Variants in TRMT10A observed in about 807,000 individuals in gnomAD.
TRMT10A encodes the protein tRNA methyltransferase 10 homolog A.
Under a neutral mutation model 40.4 loss-of-function variants are expected in TRMT10A, and 37 were observed. That is an observed-to-expected ratio of 0.92 (90% CI 0.71 to 1.21). The LOEUF (loss-of-function observed/expected upper bound fraction) is 1.21, where lower values mean the gene tolerates loss of function less well. TRMT10A is among the 50% of genes most tolerant of loss of function. The pLI is 0.00. For missense variants in TRMT10A, 388 were observed against 404.3 expected (o/e 0.96, Z 0.35); for synonymous variants, 103 against 134.1 (o/e 0.77, Z 1.60).
chr4:99,562,171 CAAA>C (rs1217975062), intron 1 of TRMT10A, among the ~76,000 whole-genome samples: 1 of 94,310 alleles, frequency 1.1e-5, no homozygotes. Flanking sequence ...ACTCCGTCTC[CAAA>C]AAAAAAAAAA....
chr4:99,560,028 A>G (rs1240441835), intron 1 of TRMT10A, among the ~76,000 whole-genome samples: 1 of 152,090 alleles, frequency 6.6e-6, no homozygotes, highest in Non-Finnish European at 1.5e-5. Context: ...GTTTTTAATA[A>G]AACAAAAAAT....
chr4:99,562,356 GA>G (rs1025534558), intron 1 of TRMT10A, among the ~76,000 whole-genome samples: 7 of 144,486 alleles, frequency 4.8e-5, no homozygotes, highest in African/African-American at 5.1e-5. Context: ...AGCACCAAAA[GA>G]AAAAAAAAAG....
chr4:99,558,105 GAAC>G lies in TRMT10A; in HGVS notation c.289_291del (p.Val97del), dbSNP rs1438344221. On this transcript the variant is annotated inframe_deletion, in exon 3 of 8. Coordinates refer to ENST00000394876, the MANE Select transcript of TRMT10A (RefSeq NM_001134665.3). ...TCAATAATAAGGCGAAGGGTGCTAT[GAAC>G]AACATCTCTTCGAACACGTTTTCTG... The G allele has an allele frequency of 1.2e-6, 2 of 1,612,520 alleles. No homozygotes were observed. Among genetic ancestry groups the G allele is most frequent in the Non-Finnish European group, 8.5e-7 (1 of 1,179,402 alleles).
rs769156013 is a variant in TRMT10A at position 99,563,933 on chromosome 4, G to A, written c.-44C>T. The A allele has an allele frequency of 9.6e-6, 8 of 834,716 alleles. No individual in the cohort carries two copies. In the South Asian group the frequency reaches 1.2e-4, roughly 12 times the overall value. The allele number at this position is 834,716 out of a possible 1,614,324, so 51.7% of individuals were successfully genotyped here. ...CTTACCGAGCTGAAGAGTTGACAGG[G>A]AAGTGAAATCTCAGAAAGAAAGCCT... On this transcript the variant is annotated 5_prime_UTR_variant, in exon 1 of 8. Transcript: ENST00000394876.
chr4:99,557,442 CAA>C, intron 3 of TRMT10A, 26 bp from the exon 4 acceptor site: 1 of 1,605,640 alleles, frequency 6.2e-7, no homozygotes, highest in Non-Finnish European at 8.5e-7. Flanking sequence ...ATTTTTAAAG[CAA>C]AGTTATTAAA....
chr4:99,553,953 A>G lies in TRMT10A; in HGVS notation c.496-19T>C, dbSNP rs1724059853. On this transcript the variant is annotated intron_variant, in intron 5 of 7. Transcript: ENST00000394876. ...GGATATCCTTTAAGACAACAGGGAAAGAGGTTACTAATTAATAAGACCTTA... is the reference window on the plus strand; with the variant it reads ...GGATATCCTTTAAGACAACAGGGAAGGAGGTTACTAATTAATAAGACCTTA... The G allele has an allele frequency of 6.2e-7, 1 of 1,606,390 alleles. No homozygotes were observed. Among genetic ancestry groups the G allele is most frequent in the Non-Finnish European group, 8.5e-7 (1 of 1,178,030 alleles).
rs773623077 is a variant in TRMT10A at position 99,559,308 on chromosome 4, C to T, written c.31G>A (p.Glu11Lys). 4 of 1,611,382 alleles carry T rather than the reference C, an allele frequency of 2.5e-6. No individual in the cohort carries two copies. The East Asian group carries it at 8.9e-5, about 36-fold the overall frequency. MSSEMLPAFIETSNVDKKQGI... is the reference protein window; with the variant it reads MSSEMLPAFIKTSNVDKKQGI... ...TGCTTTTTGTCAACATTAGAAGTTT[C>T]AATAAATGCTGGCAACATTTCAGAT... Residue 11 changes from glutamate to lysine, a missense_variant, in exon 2 of 8, where the codon GAA (glutamate) becomes AAA (lysine). Transcript: ENST00000394876.
rs761267784 is a variant in TRMT10A, at chr4:99,558,117, T to C, written c.280A>G (p.Arg94Gly). The C allele has an allele frequency of 6.2e-7, 1 of 1,612,782 alleles. No homozygotes were observed. The highest frequency in any genetic ancestry group is 8.5e-7 in the Non-Finnish European group (1 of 1,179,332). Residue 94 changes from arginine (R) to glycine (G), a missense_variant, in exon 3 of 8, where the codon AGA becomes GGA. Physicochemically the swap from Arg to Gly is moderately radical, Grantham distance 125. Transcript: ENST00000394876. ...CGAAGGGTGCTATGAACAACATCTC[T>C]TCGAACACGTTTTCTGTCATGTCCA... ...SDGHDRKRVR[R>G]DVVHSTLRLI...
chr4:99,556,405 T>C (rs1199118985), intron 4 of TRMT10A, among the ~76,000 whole-genome samples, 185 bp from the exon 5 acceptor site: 3 of 152,222 alleles, frequency 2.0e-5, no homozygotes, highest in African/African-American at 7.2e-5. Flanking sequence ...ATAGTACGTT[T>C]TGTGTGCATG....
chr4:99,553,960 A>G, intron 5 of TRMT10A, 26 bp from the exon 6 acceptor site: 1 of 1,602,672 alleles, frequency 6.2e-7, no homozygotes, highest in Non-Finnish European at 8.5e-7. Context: ...GAAAGAGGTT[A>G]CTAATTAATA....
At chr4:99,551,110 A>T in intron 6 of TRMT10A, 120 bp from the exon 7 acceptor site, 1 of 667,742 alleles carries the variant, frequency 1.5e-6, no homozygotes, top group Non-Finnish European at 2.4e-6. Flanking sequence ...AGAGAATATT[A>T]TCTGAATGGG....
In TRMT10A at chr4:99,546,993, C is replaced by CA. The variant is rs1723760438; in HGVS notation, c.*2094dup. 6.6e-6 allele frequency: 1 copy of CA among 151,816 alleles called. No individual in the cohort carries two copies. The highest frequency in any genetic ancestry group is 2.1e-4 in the South Asian group (1 of 4,784). 9.4% of individuals were successfully genotyped at this position (151,816 alleles called of 1,614,324 possible). ...CTGTAGTGGGTAGAATTGTGTCCCC[C>CA]AAAAGATATGTCAAATCCTAACACA... On this transcript the variant is annotated 3_prime_UTR_variant, in exon 8 of 8. Coordinates refer to ENST00000394876, the MANE Select transcript of TRMT10A (RefSeq NM_001134665.3).
rs1723860987 is a variant in TRMT10A at position 99,549,173 on chromosome 4, C to T, written c.935G>A (p.Ser312Asn). 3 of 1,614,076 alleles carry T rather than the reference C, an allele frequency of 1.9e-6. No individual in the cohort carries two copies. In the South Asian group the frequency reaches 3.3e-5, roughly 18 times the overall value. Reference protein sequence around the residue: ...SDSDSSEEEYSRNELDSPHEE... With the variant: ...SDSDSSEEEYNRNELDSPHEE... ...ATGTGGTGAATCTAGTTCATTTCTG[C>T]TATATTCCTCCTCACTGGAATCACT... The change falls in exon 8 of 8, where the codon AGC becomes AAC. Residue 312 changes from serine (S) to asparagine (N), a missense_variant. Physicochemically the swap from Ser to Asn is conservative, Grantham distance 46 (BLOSUM62 1). Transcript: ENST00000394876.
chr4:99,549,209 C>T lies in TRMT10A; in HGVS notation c.899G>A (p.Gly300Asp), dbSNP rs771561899. Residue 300 changes from glycine to aspartate, a missense_variant, in exon 8 of 8, where the codon GGT (glycine) becomes GAT (aspartate). By Grantham distance (94) the Gly-to-Asp change is moderately conservative (BLOSUM62 -1). Transcript: ENST00000394876. Reference sequence around the variant, plus strand: ...CTCACTGGAATCACTGTCCGATCCACCTTCCTCCATCCTGACAGACTGATT... The same window carrying T: ...CTCACTGGAATCACTGTCCGATCCATCTTCCTCCATCCTGACAGACTGATT... ...HDNQSVRMEE[G>D]GSDSDSSEEE... 1.9e-5 allele frequency: 30 copies of T among 1,614,026 alleles called. No individual in the cohort carries two copies. The Admixed American group carries it at 2.8e-4, about 15-fold the overall frequency.
chr4:99,553,762 C>A, intron 6 of TRMT10A, 23 bp downstream of exon 6: 1 of 1,580,906 alleles, frequency 6.3e-7, no homozygotes, highest in Non-Finnish European at 8.6e-7. Flanking sequence ...CAAGCAAAAG[C>A]AAAAATAAAA....
chr4:99,557,551 GATAA>G (rs1724212564), intron 3 of TRMT10A, 135 bp from the exon 4 acceptor site: 1 of 650,198 alleles, frequency 1.5e-6, no homozygotes, highest in Non-Finnish European at 2.5e-6. Flanking sequence ...AATGCATTCT[GATAA>G]ATGTTATTTG....
chr4:99,563,406 A>G (rs1234007244), intron 1 of TRMT10A: 4 of 157,046 alleles, frequency 2.5e-5, no homozygotes, highest in Non-Finnish European at 5.6e-5. Flanking sequence ...CATTTCAGAG[A>G]GTTCAGCGAC....
Position 99,548,987 on chromosome 4 carries a change from C to A in TRMT10A, c.*101G>T, listed in dbSNP as rs189334476. The A allele has an allele frequency of 1.7e-5, 22 of 1,271,370 alleles. No individual in the cohort carries two copies. The Admixed American group carries it at 4.9e-4, about 28-fold the overall frequency. 78.8% of individuals were successfully genotyped at this position (1,271,370 alleles called of 1,614,324 possible). ...AAAAAAAAGTTTTTAAAAATCACAA[C>A]AGAAATAAGAGAAAATAAAATGTTC... On this transcript the variant is annotated 3_prime_UTR_variant, in exon 8 of 8. Coordinates refer to ENST00000394876, the MANE Select transcript of TRMT10A (RefSeq NM_001134665.3).
rs748257023 is a variant in TRMT10A at position 99,558,125 on chromosome 4, C to T, written c.272G>A (p.Arg91His). 2.2e-5 allele frequency: 35 copies of T among 1,612,570 alleles called. No individual in the cohort carries two copies. The highest frequency in any genetic ancestry group is 1.8e-4 in the East Asian group (8 of 44,756). ...GCTATGAACAACATCTCTTCGAACA[C>T]GTTTTCTGTCATGTCCATCTGAGTT... ...EPNSDGHDRKRVRRDVVHSTL... is the reference protein window; with the variant it reads ...EPNSDGHDRKHVRRDVVHSTL... The change falls in exon 3 of 8, where the codon CGT becomes CAT. Residue 91 changes from arginine (R) to histidine (H), a missense_variant. By Grantham distance (29) the Arg-to-His change is conservative (BLOSUM62 0). Coordinates refer to ENST00000394876, the MANE Select transcript of TRMT10A (RefSeq NM_001134665.3).
Sources: gnomAD v4.1 joint callset for allele counts (sites outside exome capture counted in the v4.1 genomes callset) on GRCh38, gnomAD v4.1.1 for gene constraint, MANE v1.5 for transcripts, NCBI Gene and HGNC (gene_info 2026-07-23, HGNC 2026-07-21) for gene names.